BIRC6: variants seen among roughly 807,000 people sequenced by gnomAD.
The protein encoded by BIRC6 is dual E2 ubiquitin-conjugating enzyme/E3 ubiquitin-protein ligase BIRC6.
BIRC6 carries 98 observed loss-of-function variants against 503.3 expected under a neutral mutation model. That is an observed-to-expected ratio of 0.19 (90% CI 0.17 to 0.23). BIRC6 has a LOEUF of 0.23. Ranked by LOEUF, BIRC6 falls within the 10% of genes least tolerant of loss-of-function variation. The pLI is 1.00. For synonymous variants in BIRC6, 2,240 were observed against 2,078.7 expected, an observed-to-expected ratio of 1.08 and a Z score of -2.11; for missense variants, 5,360 against 5,806.0, an observed-to-expected ratio of 0.92 and a Z score of 2.50.
At chr2:32,569,053 G>C (rs1424384254) in intron 65 of BIRC6, among the ~76,000 whole-genome samples, 1 of 149,232 alleles carries the variant, frequency 6.7e-6, no homozygotes, top group Non-Finnish European at 1.5e-5. Context: ...GCAGTGGTGC[G>C]ATCTGGGCTC....
chr2:32,498,197 G>A lies in BIRC6; in HGVS notation c.8469-1350G>A, dbSNP rs545198083. Among the ~76,000 whole-genome samples the A allele has an allele frequency of 7.9e-5, 12 of 152,240 alleles. No individual in the cohort carries two copies. In the South Asian group the frequency reaches 2.3e-3, roughly 29 times the overall value. ...GTGCCTTAACTTGCCGAATAGCTGG[G>A]ATTACAGGCTTCTGCTATGCTACTA... is the stretch of plus-strand genomic sequence containing the variant. On this transcript the variant is annotated intron_variant, in intron 45 of 73. Transcript: ENST00000421745.
intron 65 of BIRC6, among the ~76,000 whole-genome samples, chr2:32,554,738 T>C (rs2058661543): frequency 6.6e-6 from 1 of 152,008 alleles, no homozygotes; most frequent in Admixed American, 6.5e-5. Flanking sequence ...TTTGTATGTT[T>C]AAAGCTCTTT....
At chr2:32,554,437 A>C (rs1022550570) in intron 65 of BIRC6, among the ~76,000 whole-genome samples, 1 of 152,126 alleles carries the variant, frequency 6.6e-6, no homozygotes, top group African/African-American at 2.4e-5. Context: ...AAACTCACTT[A>C]TTTTCAAGTT....
At chr2:32,496,076 C>T (rs547890041) in intron 45 of BIRC6, among the ~76,000 whole-genome samples, 157 of 152,202 alleles carry the variant, frequency 1.0e-3, no homozygotes, top group Middle Eastern at 3.4e-3. Context: ...CTCCTGACCT[C>T]GTGATCAGCC....
At chr2:32,368,705 G>T (rs2035330394) in intron 1 of BIRC6, among the ~76,000 whole-genome samples, 1 of 152,156 alleles carries the variant, frequency 6.6e-6, no homozygotes, top group South Asian at 2.1e-4. Context: ...AGGCTGGAGT[G>T]CAGTGGTGTG....
At position 32,598,680 on chromosome 2, in the gene BIRC6, G is replaced by T. The variant is rs186498346; in HGVS notation, c.13830+712G>T. On this transcript the variant is annotated intron_variant, in intron 69 of 73. Transcript: ENST00000421745. ...TAAACATTCTGTCTTCCATAGATACGCAGCTAAAACTATTGGCCCATTGAC... is the reference window on the plus strand; with the variant it reads ...TAAACATTCTGTCTTCCATAGATACTCAGCTAAAACTATTGGCCCATTGAC... 4.6e-5 allele frequency among the ~76,000 whole-genome samples: 7 copies of T among 152,100 alleles called. 1 individual carries two copies. Among genetic ancestry groups the T allele is most frequent in the African/African-American group, 1.7e-4 (7 of 41,498 alleles).
intron 65 of BIRC6, among the ~76,000 whole-genome samples, chr2:32,551,513 C>G (rs1455544336): frequency 6.6e-6 from 1 of 152,082 alleles, no homozygotes; most frequent in Non-Finnish European, 1.5e-5. Flanking sequence ...AAATCCTGGC[C>G]CCATGTGATC....
chr2:32,503,055 C>G lies in BIRC6; in HGVS notation c.9318C>G (p.Leu3106=). 6.3e-7 allele frequency: 1 copy of G among 1,597,426 alleles called. No homozygotes were observed. Among genetic ancestry groups the G allele is most frequent in the Non-Finnish European group, 8.5e-7 (1 of 1,171,446 alleles). ...TTATAAATTTAGGTGGTGTTCAGCT[C>G]ATATGCAATAATATGGTTACTAGTA... ...KAFHDMGGVQ[L]ICNNMVTSTR... Residue 3106 remains leucine, a synonymous_variant, in exon 49 of 74, where the codon CTC becomes CTG. Transcript: ENST00000421745.
intron 61 of BIRC6, among the ~76,000 whole-genome samples, chr2:32,539,413 T>A (rs538481956): frequency 6.6e-6 from 1 of 152,192 alleles, no homozygotes; most frequent in Non-Finnish European, 1.5e-5. Context: ...CAAAGAAAGA[T>A]AGACAGTATG....
intron 10 of BIRC6, among the ~76,000 whole-genome samples, chr2:32,424,056 A>G (rs532559870): frequency 6.6e-6 from 1 of 152,274 alleles, no homozygotes; most frequent in East Asian, 1.9e-4. Context: ...CTTTATGTTG[A>G]AAAGGCGAAA....
intron 30 of BIRC6, 113 bp downstream of exon 30, chr2:32,469,727 G>A (rs2048923557): frequency 3.1e-6 from 3 of 967,878 alleles, no homozygotes; most frequent in Non-Finnish European, 4.7e-6. Flanking sequence ...ATATGAAGCA[G>A]ATCTCAGAGT....
Position 32,515,472 on chromosome 2 carries a change from C to A in BIRC6, c.11051C>A (p.Ala3684Asp), listed in dbSNP as rs2054927201. 6.2e-7 allele frequency: 1 copy of A among 1,613,548 alleles called. No homozygotes were observed. Among genetic ancestry groups the A allele is most frequent in the Admixed American group, 1.7e-5 (1 of 60,000 alleles). Residue 3684 changes from alanine to aspartate, a missense_variant, in exon 55 of 74, where the codon GCT becomes GAT. Ala to Asp is a moderately radical substitution (Grantham distance 126). Coordinates refer to ENST00000421745, the MANE Select transcript of BIRC6 (RefSeq NM_016252.4). The part of the protein sequence containing the change: ...NKMPITADLV[A>D]PILRFLTEVG... The stretch of plus-strand genomic sequence containing the variant: ...ATGCCTATCACAGCCGACCTAGTTG[C>A]TCCTATTCTTAGGTTTTTGACAGAA...
chr2:32,564,622 C>T (rs929862479), intron 65 of BIRC6: 34 of 152,272 alleles, frequency 2.2e-4, no homozygotes, highest in African/African-American at 7.7e-4. Context: ...TTCATGTGTT[C>T]ATTGACTATT....
intron 6 of BIRC6, among the ~76,000 whole-genome samples, chr2:32,399,751 T>C (rs1255733375): frequency 6.6e-6 from 1 of 152,010 alleles, no homozygotes; most frequent in Admixed American, 6.5e-5. Flanking sequence ...TGATATGAGG[T>C]CCTAGTATTT....
chr2:32,600,574 A>G (rs112488026), intron 70 of BIRC6, among the ~76,000 whole-genome samples: 3 of 152,340 alleles, frequency 2.0e-5, no homozygotes, highest in African/African-American at 7.2e-5. Flanking sequence ...GGTTTTCTGT[A>G]GCTGAGTAGG....
chr2:32,554,096 T>C (rs2150494105), intron 65 of BIRC6, among the ~76,000 whole-genome samples: 1 of 152,324 alleles, frequency 6.6e-6, no homozygotes, highest in Admixed American at 6.5e-5. Context: ...CACATGTTAA[T>C]GTTAACAGGC....
At chr2:32,557,264 T>A (rs1221874387) in intron 65 of BIRC6, 1 of 152,226 alleles carries the variant, frequency 6.6e-6, no homozygotes, top group Admixed American at 6.5e-5. Context: ...TAGTCTTCTT[T>A]CCTATACTGA....
At chr2:32,605,170 A>C (rs2062358584) in intron 71 of BIRC6, among the ~76,000 whole-genome samples, 1 of 152,194 alleles carries the variant, frequency 6.6e-6, no homozygotes, top group South Asian at 2.1e-4. Flanking sequence ...GGCGTTAGCC[A>C]ACGTGCCCAG....
intron 68 of BIRC6, among the ~76,000 whole-genome samples, chr2:32,596,217 C>G (rs557591919): frequency 1.3e-5 from 2 of 152,202 alleles, no homozygotes; most frequent in Non-Finnish European, 2.9e-5. Context: ...GGCATGGTGG[C>G]TCACGCCTGT....
Sources: gnomAD v4.1 joint callset for allele counts (sites outside exome capture counted in the v4.1 genomes callset) on GRCh38, gnomAD v4.1.1 for gene constraint, MANE v1.5 for transcripts, NCBI Gene and HGNC (gene_info 2026-07-23, HGNC 2026-07-21) for gene names.